HEATR3: variants seen among roughly 807,000 people sequenced by gnomAD.
The protein encoded by HEATR3 is HEAT repeat-containing protein 3.
HEATR3 carries 56 observed loss-of-function variants against 72.8 expected under a neutral mutation model. The observed-to-expected ratio is 0.77, with a 90% confidence interval of 0.62 to 0.96. The LOEUF is 0.96. HEATR3 is among the 40% of genes least tolerant of loss of function. The pLI, the probability that HEATR3 is intolerant of heterozygous loss-of-function variation, is 0.00. For missense variants in HEATR3, 747 were observed against 831.4 expected (o/e 0.90, Z 1.25); for synonymous variants, 331 against 318.1 (o/e 1.04, Z -0.43).
intron 3 of HEATR3, 131 bp from the exon 4 acceptor site, chr16:50,070,047 T>C (rs1255287792): frequency 1.0e-5 from 5 of 500,158 alleles, no homozygotes; most frequent in Middle Eastern, 3.5e-4. Flanking sequence ...TACTACTGTT[T>C]GTAAGGATTC....
rs140284545 is a variant in HEATR3, at chr16:50,077,281, A to T, written c.764-1460A>T. 2.0e-4 allele frequency among the ~76,000 whole-genome samples: 31 copies of T among 151,932 alleles called. No homozygotes were observed. The East Asian group carries it at 5.6e-3, about 28-fold the overall frequency. On this transcript the variant is annotated intron_variant, in intron 6 of 14. Transcript: ENST00000299192. Reference sequence around the variant, plus strand: ...CCCATCTCGACCTCCCTGTGCTGGGATTACAGGCGTGAGCCACAGTCCCCA... The same window carrying T: ...CCCATCTCGACCTCCCTGTGCTGGGTTTACAGGCGTGAGCCACAGTCCCCA...
intron 13 of HEATR3, 28 bp from the exon 14 acceptor site, chr16:50,102,231 C>T (rs2037383029): frequency 6.3e-7 from 1 of 1,593,152 alleles, no homozygotes; most frequent in African/African-American, 1.4e-5. Context: ...TGGTGTTAGT[C>T]ATACTAAATG....
chr16:50,083,041 A>G (rs2036906068), intron 7 of HEATR3, among the ~76,000 whole-genome samples: 1 of 152,200 alleles, frequency 6.6e-6, no homozygotes. Context: ...GGCTGCGGCA[A>G]GAGGATTGCT....
chr16:50,067,764 T>A (rs894689404), intron 2 of HEATR3, among the ~76,000 whole-genome samples: 1 of 152,230 alleles, frequency 6.6e-6, no homozygotes, highest in African/African-American at 2.4e-5. Context: ...TTATATTTCA[T>A]TCACTGATAT....
rs2037503258 is a variant in HEATR3 at position 50,107,169 on chromosome 16, T to C, written c.*2108T>C. On this transcript the variant is annotated 3_prime_UTR_variant, in exon 15 of 15. Transcript: ENST00000299192. ...ATTCTGTTTATTCTTCCCCACAGTT[T>C]CTGACCTATAAACAATATCCAGGAT... 6.6e-6 allele frequency among the ~76,000 whole-genome samples: 1 copy of C among 152,226 alleles called. No homozygotes were observed. Among genetic ancestry groups the C allele is most frequent in the Non-Finnish European group, 1.5e-5 (1 of 68,038 alleles).
chr16:50,077,131 C>G (rs2036752862), intron 6 of HEATR3, among the ~76,000 whole-genome samples: 1 of 152,116 alleles, frequency 6.6e-6, no homozygotes, highest in Non-Finnish European at 1.5e-5. Context: ...GCCTTGGCCT[C>G]CCAAAGTGCT....
At chr16:50,076,931 G>A (rs149399409) in intron 6 of HEATR3, among the ~76,000 whole-genome samples, 3,796 of 144,442 alleles carry the variant, frequency 0.026, 63 homozygotes, top group Non-Finnish European at 0.042. Context: ...TGCGTGGCGC[G>A]ATCTCCACTC....
At chr16:50,066,584 C>T (rs1161576335) in intron 2 of HEATR3, 45 bp downstream of exon 2, 1 of 1,265,150 alleles carries the variant, frequency 7.9e-7, no homozygotes. Flanking sequence ...CTGGCCTCCC[C>T]CGCGTCTGGG....
In HEATR3 at chr16:50,091,365, G is replaced by A. The variant is rs2037105810; in HGVS notation, c.1511-3340G>A. On this transcript the variant is annotated intron_variant, in intron 11 of 14. Coordinates refer to ENST00000299192, the MANE Select transcript of HEATR3 (RefSeq NM_182922.4). ...GCCTGTAATCCCAGCTACTTGGGAGGCTGAGGCAGGAGAATCACTTGAACC... is the reference window on the plus strand; with the variant it reads ...GCCTGTAATCCCAGCTACTTGGGAGACTGAGGCAGGAGAATCACTTGAACC... Among the ~76,000 whole-genome samples, 4 of 152,068 alleles carry A rather than the reference G, an allele frequency of 2.6e-5. No homozygotes were observed. In the South Asian group the frequency reaches 8.3e-4, roughly 32 times the overall value.
chr16:50,100,136 C>A, intron 12 of HEATR3, 94 bp from the exon 13 acceptor site: 3 of 1,186,608 alleles, frequency 2.5e-6, no homozygotes, highest in South Asian at 1.5e-5. Flanking sequence ...AATCCTGTAG[C>A]CTATAGAGGA....
chr16:50,067,354 C>CA (rs76903396), intron 2 of HEATR3, among the ~76,000 whole-genome samples: 426 of 136,028 alleles, frequency 3.1e-3, no homozygotes, highest in Middle Eastern at 7.0e-3. Flanking sequence ...GACCCTGTCT[C>CA]AAAAAAAAAA....
chr16:50,069,983 CTTCCTACT>C (rs1313458847), intron 3 of HEATR3, among the ~76,000 whole-genome samples, 187 bp from the exon 4 acceptor site: 1 of 152,166 alleles, frequency 6.6e-6, no homozygotes, highest in African/African-American at 2.4e-5. Flanking sequence ...CTTTTGTTGC[CTTCCTACT>C]GTCTTTTATT....
At chr16:50,079,118 C>T in intron 7 of HEATR3, 100 bp downstream of exon 7, 3 of 1,186,632 alleles carry the variant, frequency 2.5e-6, no homozygotes, top group Non-Finnish European at 3.5e-6. Flanking sequence ...GCAAAATTAG[C>T]TATAAAGTGC....
chr16:50,105,918 C>G lies in HEATR3; in HGVS notation c.*857C>G, dbSNP rs1397977425. 5 of 152,094 alleles carry G rather than the reference C, an allele frequency of 3.3e-5. No homozygotes were observed. The highest frequency in any genetic ancestry group is 1.2e-4 in the African/African-American group (5 of 41,420). 9.4% of individuals were successfully genotyped at this position (152,094 alleles called of 1,614,324 possible). A position where few individuals can be genotyped will look rare whatever the true frequency, so the allele number is the denominator to read the frequency against. On this transcript the variant is annotated 3_prime_UTR_variant, in exon 15 of 15. Transcript: ENST00000299192. ...AGATCTGTGTGGCATTTCTAGCGCT[C>G]TCTAAATTATGTCTCTGGCATATTT...
rs551954826 is a variant in HEATR3, at chr16:50,071,134, G to A, written c.512+844G>A. ...GTGGTGAGGGTGGAGTGGACTTGCCGCTAGGAATGGAAATGGCTAGAAACA... is the reference window on the plus strand; with the variant it reads ...GTGGTGAGGGTGGAGTGGACTTGCCACTAGGAATGGAAATGGCTAGAAACA... On this transcript the variant is annotated intron_variant, in intron 4 of 14. Coordinates refer to ENST00000299192, the MANE Select transcript of HEATR3 (RefSeq NM_182922.4). Among the ~76,000 whole-genome samples the A allele has an allele frequency of 6.6e-4, 101 of 152,270 alleles. 1 individual carries two copies. Among genetic ancestry groups the A allele is most frequent in the African/African-American group, 2.4e-3 (99 of 41,552 alleles).
chr16:50,084,525 T>C (rs2036945153), intron 9 of HEATR3, 44 bp from the exon 10 acceptor site: 1 of 1,353,728 alleles, frequency 7.4e-7, no homozygotes, highest in East Asian at 2.3e-5. Context: ...TCGTGTTAAA[T>C]GACTACTCTT....
intron 12 of HEATR3, chr16:50,098,335 C>A (rs1411327977): frequency 6.6e-6 from 1 of 152,064 alleles, no homozygotes; most frequent in Non-Finnish European, 1.5e-5. Context: ...TACAACCCCC[C>A]ACGCTAAGTT....
chr16:50,104,855 A>C (rs976973450), intron 14 of HEATR3, 84 bp from the exon 15 acceptor site: 29 of 1,285,632 alleles, frequency 2.3e-5, no homozygotes, highest in Non-Finnish European at 2.8e-5. Flanking sequence ...CAAATGGTTA[A>C]ATACACCCTA....
chr16:50,104,917 ATTTTTTGT>A lies in HEATR3; in HGVS notation c.1921-16_1921-9del, dbSNP rs1567452331. Reference sequence around the variant, plus strand: ...AATCATATCTACCAAGTCATATATGATTTTTTGTTTTTTGTTTGCAGATACGTAAAGAA... The same window carrying A: ...AATCATATCTACCAAGTCATATATGATTTTTGTTTGCAGATACGTAAAGAA... On this transcript the variant is annotated splice_polypyrimidine_tract_variant and intron_variant, in intron 14 of 14. Coordinates refer to ENST00000299192, the MANE Select transcript of HEATR3 (RefSeq NM_182922.4). 1 of 1,565,742 alleles carries A rather than the reference ATTTTTTGT, an allele frequency of 6.4e-7. No homozygotes were observed. Among genetic ancestry groups the A allele is most frequent in the Non-Finnish European group, 8.6e-7 (1 of 1,160,422 alleles).
Sources: gnomAD v4.1 joint callset for allele counts (sites outside exome capture counted in the v4.1 genomes callset) on GRCh38, gnomAD v4.1.1 for gene constraint, MANE v1.5 for transcripts, NCBI Gene and HGNC (gene_info 2026-07-23, HGNC 2026-07-21) for gene names.